The following PIK3C2B variants were observed in gnomAD, a reference collection of about 807,000 sequenced individuals.
PIK3C2B encodes the protein phosphatidylinositol 4-phosphate 3-kinase C2 domain-containing subunit beta.
Under a neutral mutation model 184.3 loss-of-function variants are expected in PIK3C2B, and 83 were observed. The observed-to-expected ratio is 0.45, with a 90% CI of 0.38 to 0.54. PIK3C2B has a LOEUF of 0.54. Ranked by LOEUF, PIK3C2B falls within the 20% of genes least tolerant of loss-of-function variation. The pLI is 0.00. For synonymous variants in PIK3C2B, 779 were observed against 837.6 expected (o/e 0.93, Z 1.21); for missense variants, 1,736 against 2,113.5 (o/e 0.82, Z 3.50).
At chr1:204,465,603 C>T (rs761110494) in intron 2 of PIK3C2B, among the ~76,000 whole-genome samples, 1 of 152,082 alleles carries the variant, frequency 6.6e-6, no homozygotes, top group Non-Finnish European at 1.5e-5. Flanking sequence ...GTGAGGCAGC[C>T]AGTAAGGCAA....
intron 5 of PIK3C2B, among the ~76,000 whole-genome samples, chr1:204,461,543 G>A (rs559807360): frequency 2.0e-5 from 3 of 152,330 alleles, no homozygotes; most frequent in African/African-American, 7.2e-5. Flanking sequence ...AAATGGAGAG[G>A]AGAGGACAGG....
In PIK3C2B at chr1:204,447,724, G is replaced by C; in HGVS notation, c.2347-146C>G. ...GTAAAATAGCCCTGTTAGACTTGGT[G>C]ATCTCTAAAGTCCTTTCCAGCTATA... On this transcript the variant is annotated intron_variant, in intron 14 of 32. Transcript: ENST00000684373. This position sits in a 1 kb window ranked among gnomAD's most constrained non-coding sequence, Gnocchi z 4.1. The C allele has an allele frequency of 3.3e-6, 2 of 603,596 alleles. No homozygotes were observed. The highest frequency in any genetic ancestry group is 5.8e-5 in the Admixed American group (2 of 34,538). The allele number at this position is 603,596 out of a possible 1,614,324, so 37.4% of individuals were successfully genotyped here.
At position 204,424,672 on chromosome 1, in the gene PIK3C2B, A is replaced by G. The variant is rs2103460192; in HGVS notation, c.*180T>C. 1.3e-6 allele frequency: 1 copy of G among 765,038 alleles called. No homozygotes were observed. The highest frequency in any genetic ancestry group is 1.4e-5 in the South Asian group (1 of 73,806). The allele number at this position is 765,038 out of a possible 1,614,324, so 47.4% of individuals were successfully genotyped here. A position where few individuals can be genotyped will look rare whatever the true frequency, so the allele number is the denominator to read the frequency against. Reference sequence around the variant, plus strand: ...CAACCCAAGTTCAGTCTCCAGAGGAAGAGACAGCAGAGCATGTCTTACTCT... The same window carrying G: ...CAACCCAAGTTCAGTCTCCAGAGGAGGAGACAGCAGAGCATGTCTTACTCT... On this transcript the variant is annotated 3_prime_UTR_variant, in exon 33 of 33. Transcript: ENST00000684373.
At chr1:204,430,938 A>G (rs9661807) in intron 28 of PIK3C2B, among the ~76,000 whole-genome samples, 38,841 of 152,166 alleles carry the variant, frequency 0.26, 5,675 homozygotes, top group East Asian at 0.55. Flanking sequence ...ACAGGCGTGA[A>G]CCACTGCGCC....
chr1:204,446,622 A>AG (rs61762622), intron 15 of PIK3C2B, among the ~76,000 whole-genome samples: 4,276 of 152,312 alleles, frequency 0.028, 142 homozygotes, highest in East Asian at 0.079. Context: ...TGGGGCCTCC[A>AG]GGGACCAGCT....
chr1:204,456,886 A>C, intron 10 of PIK3C2B, 151 bp downstream of exon 10: 1 of 489,956 alleles, frequency 2.0e-6, no homozygotes, highest in Non-Finnish European at 3.5e-6. Flanking sequence ...ACACACACAC[A>C]CACACACACA....
At chr1:204,485,520 G>A (rs1211503507) in intron 1 of PIK3C2B, among the ~76,000 whole-genome samples, 2 of 151,278 alleles carry the variant, frequency 1.3e-5, no homozygotes, top group African/African-American at 4.9e-5. Context: ...TAAAGTATCT[G>A]CTCTCCACTG....
chr1:204,465,315 C>T lies in PIK3C2B; in HGVS notation c.938G>A (p.Gly313Asp), dbSNP rs1369411778. ...ATTGGCAACAGTGTGGGGCCGGGAG[C>T]CCACCTTTAAGAGAAGAGCAGACGA... is the stretch of plus-strand genomic sequence containing the variant. ...KNRRISAAPV[G>D]SRPHTVANGH... is the part of the protein sequence containing the mutation. Residue 313 changes from glycine (G) to aspartate (D), a missense_variant, in exon 3 of 33, where the codon GGC becomes GAC. By Grantham distance (94) the Gly-to-Asp change is moderately conservative. Transcript: ENST00000684373. The T allele has an allele frequency of 6.8e-6, 11 of 1,609,174 alleles. No homozygotes were observed. In the East Asian group the frequency reaches 2.2e-4, roughly 33 times the overall value.
chr1:204,492,790 A>C (rs768605085), intron 1 of PIK3C2B, among the ~76,000 whole-genome samples: 2 of 152,208 alleles, frequency 1.3e-5, no homozygotes, highest in Non-Finnish European at 2.9e-5. Flanking sequence ...GCCGGGTCTG[A>C]GAGCTTGATC....
chr1:204,442,624 G>C lies in PIK3C2B; in HGVS notation c.3058C>G (p.Arg1020Gly). 6.5e-7 allele frequency: 1 copy of C among 1,550,172 alleles called. No individual in the cohort carries two copies. Among genetic ancestry groups the C allele is most frequent in the East Asian group, 2.4e-5 (1 of 40,994 alleles). ...AAPSARQGIL[R>G]TGLEEVKQFF... ...TGCTTCACCTCCTCCAGGCCCGTGCGGAGGATTCCCTGGAAAGAAGGGGAG... is the reference window on the plus strand; with the variant it reads ...TGCTTCACCTCCTCCAGGCCCGTGCCGAGGATTCCCTGGAAAGAAGGGGAG... The change falls in exon 20 of 33, where the codon CGC (arginine) becomes GGC (glycine). Residue 1020 changes from arginine to glycine, a missense_variant. By Grantham distance (125) the Arg-to-Gly change is moderately radical (BLOSUM62 -2). Around this residue, in one of 8 missense-constraint regions of PIK3C2B, gnomAD observed 289 missense variants for 380.4 expected, o/e 0.76. Transcript: ENST00000684373.
chr1:204,436,397 G>A (rs1470403223), intron 23 of PIK3C2B, among the ~76,000 whole-genome samples: 1 of 152,146 alleles, frequency 6.6e-6, no homozygotes, highest in Non-Finnish European at 1.5e-5. Flanking sequence ...GGGCATGGTG[G>A]CACATGCCTG....
At chr1:204,455,280 G>A (rs930972197) in intron 11 of PIK3C2B, among the ~76,000 whole-genome samples, 22 of 146,502 alleles carry the variant, frequency 1.5e-4, no homozygotes, top group African/African-American at 4.5e-4. Context: ...TCTGCCAATC[G>A]CCCAGAGGAA....
At chr1:204,446,463 C>T (rs1653872831) in intron 15 of PIK3C2B, among the ~76,000 whole-genome samples, 1 of 152,246 alleles carries the variant, frequency 6.6e-6, no homozygotes, top group South Asian at 2.1e-4. Flanking sequence ...TTGATCCCAA[C>T]TCAGGGACAT....
intron 1 of PIK3C2B, among the ~76,000 whole-genome samples, chr1:204,473,133 G>A (rs1272563202): frequency 6.6e-6 from 1 of 152,228 alleles, no homozygotes; most frequent in Non-Finnish European, 1.5e-5. Flanking sequence ...AGACTCTTGG[G>A]TGGCAAGTTG....
At chr1:204,484,454 G>A (rs1243365553) in intron 1 of PIK3C2B, among the ~76,000 whole-genome samples, 1 of 152,138 alleles carries the variant, frequency 6.6e-6, no homozygotes, top group African/African-American at 2.4e-5. Flanking sequence ...TGTTTAAGCT[G>A]ATGGCCGGGC....
intron 4 of PIK3C2B, 128 bp downstream of exon 4, chr1:204,464,322 A>G: frequency 1.8e-6 from 2 of 1,119,960 alleles, no homozygotes; most frequent in South Asian, 3.0e-5. Context: ...CCAGCCCCTC[A>G]CCCCCAAAGG....
At chr1:204,429,826 T>A (rs1359246481) in intron 29 of PIK3C2B, 95 bp downstream of exon 29, 1 of 803,458 alleles carries the variant, frequency 1.2e-6, no homozygotes, top group Non-Finnish European at 2.2e-6. Flanking sequence ...CCAAGTCCTG[T>A]TCCTGACTCC....
At chr1:204,471,027 T>G in intron 1 of PIK3C2B, among the ~76,000 whole-genome samples, 1 of 152,198 alleles carries the variant, frequency 6.6e-6, no homozygotes, top group Admixed American at 6.5e-5. Flanking sequence ...CCTTTGGAGG[T>G]GATGAATATG....
chr1:204,469,133 C>A lies in PIK3C2B; in HGVS notation c.670G>T (p.Gly224Trp). The change falls in exon 2 of 33, where the codon GGG (glycine) becomes TGG (tryptophan). Residue 224 changes from glycine (G) to tryptophan (W), a missense_variant. Around this residue, in one of 8 missense-constraint regions of PIK3C2B, gnomAD observed 404 missense variants for 418.0 expected, o/e 0.97. Transcript: ENST00000684373. The stretch of plus-strand genomic sequence containing the variant: ...TTGATACCATCATAGTCCACAGACC[C>A]CAGTAGGCGCCCCTGACCCCCACCT... ...LGGGGQGRLLGSVDYDGINDA... is the reference protein window; with the variant it reads ...LGGGGQGRLLWSVDYDGINDA... The A allele has an allele frequency of 1.2e-6, 2 of 1,614,164 alleles. No homozygotes were observed. Among genetic ancestry groups the A allele is most frequent in the Non-Finnish European group, 1.7e-6 (2 of 1,180,006 alleles).
Sources: gnomAD v4.1 joint callset for allele counts (sites outside exome capture counted in the v4.1 genomes callset) on GRCh38, gnomAD v4.1.1 for gene constraint, gnomAD v4.1.1 regional missense constraint, Gnocchi (gnomAD v3.1) non-coding constraint, MANE v1.5 for transcripts, NCBI Gene and HGNC (gene_info 2026-07-23, HGNC 2026-07-21) for gene names.